Variants in SSBP3 observed in about 807,000 individuals in gnomAD.
SSBP3 encodes single stranded DNA binding protein 3, also known as single-stranded DNA-binding protein 3.
Under a neutral mutation model 69.6 loss-of-function variants are expected in SSBP3, and 5 were observed. That is an observed-to-expected ratio of 0.07 (90% CI 0.04 to 0.15). The LOEUF (loss-of-function observed/expected upper bound fraction) is 0.15. Among genes scored for constraint, SSBP3 ranks in the 10% least tolerant of loss-of-function variants. SSBP3 has a pLI of 1.00. For synonymous variants in SSBP3, 196 were observed against 193.4 expected, an observed-to-expected ratio of 1.01 and a Z score of -0.11; for missense variants, 312 against 534.0, an observed-to-expected ratio of 0.58 and a Z score of 4.10.
At chr1:54,376,100 C>T (rs987286534) in intron 4 of SSBP3, among the ~76,000 whole-genome samples, 3 of 152,092 alleles carry the variant, frequency 2.0e-5, no homozygotes, top group African/African-American at 7.2e-5. Flanking sequence ...GACCCCTCCC[C>T]CAAGCCCAGC....
At chr1:54,322,234 A>C (rs1211704258) in intron 4 of SSBP3, among the ~76,000 whole-genome samples, 2 of 152,210 alleles carry the variant, frequency 1.3e-5, no homozygotes, top group African/African-American at 2.4e-5. Context: ...ATCAGGCAGT[A>C]AACAGGGCTG....
chr1:54,361,892 T>C (rs1446205662), intron 4 of SSBP3, among the ~76,000 whole-genome samples: 1 of 152,204 alleles, frequency 6.6e-6, no homozygotes, highest in African/African-American at 2.4e-5. Flanking sequence ...GTTGTCATCG[T>C]CCTTCCGCCA....
chr1:54,227,712 G>C (rs998946268), intron 17 of SSBP3, among the ~76,000 whole-genome samples: 1 of 152,136 alleles, frequency 6.6e-6, no homozygotes, highest in African/African-American at 2.4e-5. Context: ...CAAGTAGCTG[G>C]GACTATAGGC....
chr1:54,229,170 G>A (rs962559442), intron 14 of SSBP3, among the ~76,000 whole-genome samples: 1 of 152,236 alleles, frequency 6.6e-6, no homozygotes, highest in African/African-American at 2.4e-5. Flanking sequence ...TCCCCAGACA[G>A]AGGCACATGT....
chr1:54,298,084 G>C (rs80222084), intron 4 of SSBP3, among the ~76,000 whole-genome samples: 2,350 of 152,238 alleles, frequency 0.015, 58 homozygotes, highest in African/African-American at 0.054. Context: ...GGAAGCCTCC[G>C]GGTGCAGGTC....
intron 4 of SSBP3, among the ~76,000 whole-genome samples, chr1:54,318,226 G>T (rs963280219): frequency 6.6e-6 from 1 of 152,112 alleles, no homozygotes; most frequent in Non-Finnish European, 1.5e-5. Flanking sequence ...GAACCTTCTG[G>T]GAGTATTTCA....
chr1:54,315,148 G>A (rs1056080932), intron 4 of SSBP3, among the ~76,000 whole-genome samples: 3 of 152,092 alleles, frequency 2.0e-5, no homozygotes, highest in Non-Finnish European at 2.9e-5. Flanking sequence ...TTGAATCAAG[G>A]CTACTACCGG....
intron 7 of SSBP3, among the ~76,000 whole-genome samples, chr1:54,254,692 A>G (rs1387770890): frequency 6.6e-6 from 1 of 152,198 alleles, no homozygotes; most frequent in Admixed American, 6.5e-5. Context: ...GGCTTCTGTT[A>G]ACTGGCAGAC....
intron 4 of SSBP3, among the ~76,000 whole-genome samples, chr1:54,398,308 T>C (rs1251444494): frequency 6.6e-6 from 1 of 152,218 alleles, no homozygotes; most frequent in Non-Finnish European, 1.5e-5. Flanking sequence ...GTATGTGTAG[T>C]GTAAGAATCC....
rs537329846 is a variant in SSBP3 at position 54,240,546 on chromosome 1, G to C, written c.856+359C>G. 1.7e-3 allele frequency among the ~76,000 whole-genome samples: 254 copies of C among 151,296 alleles called. 2 individuals carry two copies. Among genetic ancestry groups the C allele is most frequent in the African/African-American group, 5.8e-3 (241 of 41,286 alleles). ...AGCCAGGAGCTACGGAAACTCCAAA[G>C]GTAGCATGCCTCAGAATCCTGGTCC... is the stretch of plus-strand genomic sequence containing the variant. On this transcript the variant is annotated intron_variant, in intron 13 of 17. Transcript: ENST00000610401.
chr1:54,305,182 T>C (rs1469118072), intron 4 of SSBP3, among the ~76,000 whole-genome samples: 1 of 152,076 alleles, frequency 6.6e-6, no homozygotes, highest in Non-Finnish European at 1.5e-5. Context: ...CTAAGTAAGA[T>C]GGAAACCACC....
At chr1:54,240,227 G>A (rs1281492626) in intron 13 of SSBP3, among the ~76,000 whole-genome samples, 1 of 151,878 alleles carries the variant, frequency 6.6e-6, no homozygotes, top group Non-Finnish European at 1.5e-5. Context: ...GGGAGGCTGA[G>A]GCGGGTGGAT....
At chr1:54,277,367 T>C (rs1645307606) in intron 5 of SSBP3, among the ~76,000 whole-genome samples, 1 of 152,168 alleles carries the variant, frequency 6.6e-6, no homozygotes. Flanking sequence ...GGTTTCTCTA[T>C]CTCCTTTCGG....
Position 54,396,193 on chromosome 1 carries a change from G to GAAAAAAAAAAAAAAAAAAAA in SSBP3, c.276+5648_276+5667dup, listed in dbSNP as rs59276509. On this transcript the variant is annotated intron_variant, in intron 4 of 17. Transcript: ENST00000610401. ...GGTGACAGAGTGAGACTCCATCTCAGAAAAAAAAAAAAAAAAAAAAAAAAA... is the reference window on the plus strand; with the variant it reads ...GGTGACAGAGTGAGACTCCATCTCAGAAAAAAAAAAAAAAAAAAAAAAAAAAAAAAAAAAAAAAAAAAAAA... Among the ~76,000 whole-genome samples, 16 of 40,580 alleles carry GAAAAAAAAAAAAAAAAAAAA rather than the reference G, an allele frequency of 3.9e-4. 2 individuals carry two copies. The highest frequency in any genetic ancestry group is 1.2e-3 in the African/African-American group (12 of 10,410). 26.6% of individuals were successfully genotyped at this position (40,580 alleles called of 152,430 possible).
chr1:54,273,035 G>A (rs928088196), intron 5 of SSBP3, among the ~76,000 whole-genome samples: 2 of 152,218 alleles, frequency 1.3e-5, no homozygotes, highest in African/African-American at 4.8e-5. Context: ...TCCTGCACTT[G>A]GGAGGCCAGG....
intron 4 of SSBP3, among the ~76,000 whole-genome samples, chr1:54,348,259 G>GGGGGGGGGGGGGA (rs1646723705): frequency 8.5e-6 from 1 of 117,538 alleles, no homozygotes; most frequent in African/African-American, 3.2e-5. Flanking sequence ...GGGGGGGGGG[G>GGGGGGGGGGGGGA]GCGGGTGAGG....
intron 4 of SSBP3, among the ~76,000 whole-genome samples, chr1:54,310,045 C>G (rs1645972185): frequency 6.6e-6 from 1 of 152,134 alleles, no homozygotes; most frequent in African/African-American, 2.4e-5. Context: ...TTTGAATACC[C>G]GCAGATCTCG....
chr1:54,227,184 G>GGT, intron 17 of SSBP3, 24 bp from the exon 18 acceptor site: 1 of 1,201,994 alleles, frequency 8.3e-7, no homozygotes, highest in Non-Finnish European at 1.2e-6. Flanking sequence ...GCAGAGAAGG[G>GGT]GGGGGGGTGA....
chr1:54,258,558 G>A lies in SSBP3; in HGVS notation c.367-409C>T, dbSNP rs141639624. 4.3e-4 allele frequency among the ~76,000 whole-genome samples: 66 copies of A among 152,322 alleles called. 1 individual carries two copies. Among genetic ancestry groups the A allele is most frequent in the Middle Eastern group, 6.8e-3 (2 of 294 alleles). On this transcript the variant is annotated intron_variant, in intron 5 of 17. Transcript: ENST00000610401. The surrounding 1 kb of genome is among the most constrained non-coding windows in gnomAD (Gnocchi z 4.5). ...AAAGCACGTAGGTGCCGCTTGCACG[G>A]GAGGTGGGGAAAGATCGGGAAGGGC... is the stretch of plus-strand genomic sequence containing the variant.
Sources: gnomAD v4.1 joint callset for allele counts (sites outside exome capture counted in the v4.1 genomes callset) on GRCh38, gnomAD v4.1.1 for gene constraint, Gnocchi (gnomAD v3.1) non-coding constraint, MANE v1.5 for transcripts, NCBI Gene and HGNC (gene_info 2026-07-23, HGNC 2026-07-21) for gene names.